The following PRKCE variants were observed in gnomAD, a reference collection of about 807,000 sequenced individuals.
The protein encoded by PRKCE is protein kinase C epsilon.
PRKCE carries 16 observed loss-of-function variants against 85.4 expected under a neutral mutation model. The observed-to-expected ratio is 0.19, with a 90% CI of 0.13 to 0.28. PRKCE has a LOEUF of 0.28. Among genes scored for constraint, PRKCE ranks in the 10% least tolerant of loss-of-function variants. The probability of loss-of-function intolerance (pLI) is 1.00; values close to 1 mark genes in which losing one functional copy is unlikely to be tolerated. For synonymous variants in PRKCE, 388 were observed against 371.5 expected, an observed-to-expected ratio of 1.04 and a Z score of -0.51; for missense variants, 573 against 975.2, an observed-to-expected ratio of 0.59 and a Z score of 5.49.
chr2:45,874,566 G>C (rs1694332181), intron 2 of PRKCE, among the ~76,000 whole-genome samples: 2 of 152,214 alleles, frequency 1.3e-5, no homozygotes, highest in Admixed American at 1.3e-4. Flanking sequence ...TCACTCTCTG[G>C]CTTGGGTCTT....
intron 1 of PRKCE, among the ~76,000 whole-genome samples, chr2:45,691,022 G>A (rs1677684537): frequency 6.6e-6 from 1 of 152,354 alleles, no homozygotes; most frequent in African/African-American, 2.4e-5. Flanking sequence ...GGAAAAGCCT[G>A]AACTTCGCTG....
intron 2 of PRKCE, among the ~76,000 whole-genome samples, chr2:45,976,093 G>A (rs1481813323): frequency 3.9e-5 from 6 of 152,160 alleles, no homozygotes; most frequent in South Asian, 2.1e-4. Flanking sequence ...AGTAAGATGC[G>A]AACCTTGAGC....
chr2:45,865,071 T>G (rs74831496), intron 2 of PRKCE, among the ~76,000 whole-genome samples: 6,325 of 152,290 alleles, frequency 0.042, 163 homozygotes, highest in Middle Eastern at 0.082. Flanking sequence ...AACTTTATTG[T>G]CCATATAAGT....
chr2:46,148,128 C>T (rs1485249611), intron 12 of PRKCE, among the ~76,000 whole-genome samples: 2 of 152,224 alleles, frequency 1.3e-5, no homozygotes, highest in Admixed American at 6.5e-5. Context: ...TGCCCCATGG[C>T]ACCCCCTCTG....
intron 1 of PRKCE, among the ~76,000 whole-genome samples, chr2:45,797,938 G>A (rs755650545): frequency 6.6e-6 from 1 of 152,196 alleles, no homozygotes; most frequent in Non-Finnish European, 1.5e-5. Context: ...AACAAAACAG[G>A]CGCTGGGCTT....
At chr2:46,069,926 C>G (rs1025549918) in intron 10 of PRKCE, among the ~76,000 whole-genome samples, 16 of 152,108 alleles carry the variant, frequency 1.1e-4, no homozygotes, top group African/African-American at 3.9e-4. Flanking sequence ...AAATCCTAAC[C>G]TGAATTTTAC....
At chr2:45,806,285 T>C (rs777256004) in intron 1 of PRKCE, among the ~76,000 whole-genome samples, 6 of 152,286 alleles carry the variant, frequency 3.9e-5, no homozygotes, top group Non-Finnish European at 8.8e-5. Flanking sequence ...ATTTACAGCT[T>C]TGCTGGTCCA....
At chr2:46,062,421 G>GA (rs1667232908) in intron 10 of PRKCE, among the ~76,000 whole-genome samples, 3 of 152,084 alleles carry the variant, frequency 2.0e-5, no homozygotes, top group Non-Finnish European at 4.4e-5. Context: ...GTGCCCCTTA[G>GA]GAAGCCATGA....
At position 45,978,972 on chromosome 2, in the gene PRKCE, T is replaced by A. The variant is rs1702675234; in HGVS notation, c.573-4T>A. The A allele has an allele frequency of 1.9e-6, 3 of 1,598,924 alleles. No individual in the cohort carries two copies. The highest frequency in any genetic ancestry group is 1.3e-5 in the African/African-American group (1 of 74,900). On this transcript the variant is annotated splice_region_variant and splice_polypyrimidine_tract_variant and intron_variant, in intron 3 of 14. Coordinates refer to ENST00000306156, the MANE Select transcript of PRKCE (RefSeq NM_005400.3). Reference sequence around the variant, plus strand: ...TTTTAAAAAAATGTTATTCTTCTTTTCAGGGGTGTCATAGGAAAGCAGGGA... The same window carrying A: ...TTTTAAAAAAATGTTATTCTTCTTTACAGGGGTGTCATAGGAAAGCAGGGA...
At chr2:46,166,179 C>T (rs950657242) in intron 14 of PRKCE, among the ~76,000 whole-genome samples, 3 of 152,246 alleles carry the variant, frequency 2.0e-5, no homozygotes, top group African/African-American at 7.2e-5. Flanking sequence ...CCGCACACTT[C>T]ACCAACTTAG....
At chr2:46,060,094 A>G (rs1307500058) in intron 10 of PRKCE, among the ~76,000 whole-genome samples, 2 of 152,264 alleles carry the variant, frequency 1.3e-5, no homozygotes. Flanking sequence ...AAAATAGTAA[A>G]TAAATTCAAT....
intron 1 of PRKCE, among the ~76,000 whole-genome samples, chr2:45,833,720 G>A (rs894896241): frequency 1.3e-5 from 2 of 152,214 alleles, no homozygotes; most frequent in African/African-American, 2.4e-5. Flanking sequence ...GTAAGATAAA[G>A]CACACACATT....
chr2:46,007,494 G>C lies in PRKCE; in HGVS notation c.1096G>C (p.Ala366Pro). 1 of 1,599,812 alleles carries C rather than the reference G, an allele frequency of 6.3e-7. No individual in the cohort carries two copies. The highest frequency in any genetic ancestry group is 8.5e-7 in the Non-Finnish European group (1 of 1,179,970). The change falls in exon 9 of 15, where the codon GCC (alanine) becomes CCC (proline). Residue 366 changes from alanine to proline, a missense_variant. Physicochemically the swap from Ala to Pro is conservative, Grantham distance 27. Around this residue, in one of 11 missense-constraint regions of PRKCE, gnomAD observed 117 missense variants for 104.8 expected, o/e 1.12. Transcript: ENST00000306156. The stretch of plus-strand genomic sequence containing the variant: ...AGAACTTGAGAACAACATTCGGAAA[G>C]CCTTGTCATTTGACAACCGAGGAGA... ...IKELENNIRK[A>P]LSFDNRGEEH...
rs1697082036 is a variant in PRKCE at position 45,907,661 on chromosome 2, G to T, written c.412+64598G>T. Among the ~76,000 whole-genome samples, 1 of 152,166 alleles carries T rather than the reference G, an allele frequency of 6.6e-6. No individual in the cohort carries two copies. The highest frequency in any genetic ancestry group is 2.4e-5 in the African/African-American group (1 of 41,436). On this transcript the variant is annotated intron_variant, in intron 2 of 14. Transcript: ENST00000306156. The surrounding 1 kb of genome is among the most constrained non-coding windows in gnomAD (Gnocchi z 4.5). ...GGACTGTTCTGTCCAGGGAGAAGGA[G>T]CATGAGCCCACATCTGCCGTGGCCA... is the stretch of plus-strand genomic sequence containing the variant.
rs1404405538 is a variant in PRKCE at position 46,187,884 on chromosome 2, T to G, written c.*3003T>G. The G allele has an allele frequency of 1.3e-5, 2 of 152,572 alleles. No homozygotes were observed. 9.5% of individuals were successfully genotyped at this position (152,572 alleles called of 1,614,324 possible). On this transcript the variant is annotated 3_prime_UTR_variant, in exon 15 of 15. Transcript: ENST00000306156. ...TGTAATTTTAATCTCTTGCCATTCATTAGTGTTATTTCATTGTAAACGTTA... is the reference window on the plus strand; with the variant it reads ...TGTAATTTTAATCTCTTGCCATTCAGTAGTGTTATTTCATTGTAAACGTTA...
intron 2 of PRKCE, among the ~76,000 whole-genome samples, chr2:45,927,962 A>G (rs1473407668): frequency 1.3e-5 from 2 of 152,024 alleles, no homozygotes; most frequent in Non-Finnish European, 2.9e-5. Flanking sequence ...GTACTGGAGG[A>G]CCCCAATGTA....
Position 46,060,525 on chromosome 2 carries a change from A to G in PRKCE, c.1438-25683A>G, listed in dbSNP as rs371688889. Among the ~76,000 whole-genome samples the G allele has an allele frequency of 1.6e-4, 24 of 152,332 alleles. No homozygotes were observed. In the South Asian group the frequency reaches 3.5e-3, roughly 22 times the overall value. Reference sequence around the variant, plus strand: ...CATCCAGAAGGAGAGGGGAAAGACCAGAGAAGGAAAACAGTACCCAATCTT... The same window carrying G: ...CATCCAGAAGGAGAGGGGAAAGACCGGAGAAGGAAAACAGTACCCAATCTT... On this transcript the variant is annotated intron_variant, in intron 10 of 14. Coordinates refer to ENST00000306156, the MANE Select transcript of PRKCE (RefSeq NM_005400.3).
At chr2:45,828,783 C>CA (rs1172219859) in intron 1 of PRKCE, among the ~76,000 whole-genome samples, 1 of 151,550 alleles carries the variant, frequency 6.6e-6, no homozygotes, top group Non-Finnish European at 1.5e-5. Context: ...TTATTTTTAA[C>CA]AAAAAAGCTA....
intron 10 of PRKCE, among the ~76,000 whole-genome samples, chr2:46,021,667 C>T (rs1706675124): frequency 6.6e-6 from 1 of 152,182 alleles, no homozygotes; most frequent in Admixed American, 6.5e-5. Context: ...GTTCAGTTGG[C>T]ACATCATGAT....
Sources: allele counts gnomAD v4.1 joint callset (sites outside exome capture counted in the v4.1 genomes callset), GRCh38; gene constraint gnomAD v4.1.1; regional missense constraint gnomAD v4.1.1; non-coding constraint Gnocchi (gnomAD v3.1); transcripts MANE v1.5; gene names NCBI Gene and HGNC (gene_info 2026-07-23, HGNC 2026-07-21).